The following C2CD2 variants were observed in gnomAD, a reference collection of about 807,000 sequenced individuals.
C2CD2 encodes C2 domain-containing protein 2.
C2CD2 carries 43 observed loss-of-function variants against 74.3 expected under a neutral mutation model. That is an observed-to-expected ratio of 0.58 (90% CI 0.45 to 0.75). The LOEUF is 0.75. C2CD2 is among the 30% of genes least tolerant of loss of function. The pLI, the probability that C2CD2 is intolerant of heterozygous loss-of-function variation, is 0.00. For synonymous variants in C2CD2, 422 were observed against 390.7 expected, an observed-to-expected ratio of 1.08 and a Z score of -0.94; for missense variants, 801 against 916.3, an observed-to-expected ratio of 0.87 and a Z score of 1.63.
intron 1 of C2CD2, among the ~76,000 whole-genome samples, chr21:41,944,153 G>A (rs1435727291): frequency 1.3e-5 from 2 of 152,196 alleles, no homozygotes; most frequent in Admixed American, 1.3e-4. Context: ...GCAGACTCAT[G>A]CTCCCCTGAG....
At chr21:41,917,981 C>T (rs1016431869) in intron 5 of C2CD2, 124 bp downstream of exon 5, 13 of 1,111,126 alleles carry the variant, frequency 1.2e-5, no homozygotes, top group African/African-American at 9.2e-5. Flanking sequence ...AGCAAGCACC[C>T]GAGCCATCTT....
chr21:41,909,892 G>A (rs769652496), intron 7 of C2CD2, among the ~76,000 whole-genome samples: 1 of 151,638 alleles, frequency 6.6e-6, no homozygotes, highest in African/African-American at 2.4e-5. Context: ...GTGGCCAGTC[G>A]CTGCCATATT....
At chr21:41,933,253 T>C (rs1243138220) in intron 2 of C2CD2, among the ~76,000 whole-genome samples, 3 of 139,284 alleles carry the variant, frequency 2.2e-5, no homozygotes, top group Admixed American at 7.3e-5. Context: ...CCTCAAGTTC[T>C]GTTACAGTTT....
At chr21:41,909,033 C>T (rs1020434508) in intron 8 of C2CD2, among the ~76,000 whole-genome samples, 4 of 152,134 alleles carry the variant, frequency 2.6e-5, no homozygotes, top group African/African-American at 4.8e-5. Flanking sequence ...GTTGCACAAC[C>T]GTGTGAATGT....
intron 13 of C2CD2, among the ~76,000 whole-genome samples, chr21:41,890,388 C>A (rs575281462): frequency 6.6e-6 from 1 of 152,180 alleles, no homozygotes; most frequent in Non-Finnish European, 1.5e-5. Flanking sequence ...TTAGCAGCAG[C>A]AGCAACAATA....
rs1601587821 is a variant in C2CD2 at position 41,924,463 on chromosome 21, C to G, written c.379-2378G>C. ...TAACGCCACGTTCAGAAGACTGATA[C>G]ACATGAGTTAATTACATATTTCCAT... On this transcript the variant is annotated intron_variant, in intron 2 of 13. Coordinates refer to ENST00000380486, the MANE Select transcript of C2CD2 (RefSeq NM_015500.2). This position sits in a 1 kb window ranked among gnomAD's most constrained non-coding sequence, Gnocchi z 4.4. Among the ~76,000 whole-genome samples, 1 of 152,228 alleles carries G rather than the reference C, an allele frequency of 6.6e-6. No homozygotes were observed. The highest frequency in any genetic ancestry group is 6.5e-5 in the Admixed American group (1 of 15,280).
chr21:41,886,503 A>G lies in C2CD2; in HGVS notation c.*2621T>C, dbSNP rs747188766. 6.6e-6 allele frequency: 1 copy of G among 152,198 alleles called. No homozygotes were observed. The highest frequency in any genetic ancestry group is 1.5e-5 in the Non-Finnish European group (1 of 68,034). 9.4% of individuals were successfully genotyped at this position (152,198 alleles called of 1,614,324 possible). ...GACGTGTTGCCTTTGCCTTTGCTTC[A>G]TAAACTCCCTCCCATGTTGGTGTTT... On this transcript the variant is annotated 3_prime_UTR_variant, in exon 14 of 14. Coordinates refer to ENST00000380486, the MANE Select transcript of C2CD2 (RefSeq NM_015500.2).
intron 13 of C2CD2, among the ~76,000 whole-genome samples, chr21:41,896,720 A>AAC: frequency 6.6e-6 from 1 of 151,628 alleles, no homozygotes; most frequent in South Asian, 2.1e-4. Flanking sequence ...AAAAAAAAAA[A>AAC]AAAAAAAAAC....
chr21:41,942,274 C>T, intron 1 of C2CD2, 29 bp from the exon 2 acceptor site: 1 of 1,506,216 alleles, frequency 6.6e-7, no homozygotes, highest in Non-Finnish European at 9.0e-7. Context: ...ATGAGGAGGG[C>T]ATGCACAGGA....
Position 41,889,480 on chromosome 21 carries a change from A to T in C2CD2, c.1871-136T>A. ...CAGTTTACTACTTCAATATGCTGTC[A>T]CTACCTGCATGAGAAAAATAACTGG... On this transcript the variant is annotated intron_variant, in intron 13 of 13. Transcript: ENST00000380486. The T allele has an allele frequency of 4.7e-6, 3 of 641,026 alleles. No homozygotes were observed. The East Asian group carries it at 8.2e-5, about 17-fold the overall frequency. 39.7% of individuals were successfully genotyped at this position (641,026 alleles called of 1,614,324 possible). A position where few individuals can be genotyped will look rare whatever the true frequency, so the allele number is the denominator to read the frequency against.
chr21:41,953,617 C>A lies in C2CD2; in HGVS notation c.32G>T (p.Gly11Val), dbSNP rs1372837772. 1.2e-5 allele frequency: 18 copies of A among 1,496,330 alleles called. No individual in the cohort carries two copies. The highest frequency in any genetic ancestry group is 8.6e-5 in the East Asian group (3 of 34,860). 92.7% of individuals were successfully genotyped at this position (1,496,330 alleles called of 1,614,324 possible). ...CACCAGCGCGAGCCACTGCGCCTCC[C>A]CGAGCCACGAGCCCAGCCGGGCCAT... MAMARLGSWL[G>V]EAQWLALVSL... Residue 11 changes from glycine to valine, a missense_variant, in exon 1 of 14, where the codon GGG becomes GTG. Gly to Val is a moderately radical substitution (Grantham distance 109). Coordinates refer to ENST00000380486, the MANE Select transcript of C2CD2 (RefSeq NM_015500.2).
In C2CD2 at chr21:41,939,858, A is replaced by G. The variant is rs1254991423; in HGVS notation, c.378+2289T>C. Among the ~76,000 whole-genome samples the G allele has an allele frequency of 6.6e-6, 1 of 152,210 alleles. No homozygotes were observed. The highest frequency in any genetic ancestry group is 1.5e-5 in the Non-Finnish European group (1 of 68,032). Reference sequence around the variant, plus strand: ...TTGGTCAAGCTGAAGTATGCACACCAGTGACCCGCCAGGCTCATGCCTGCC... The same window carrying G: ...TTGGTCAAGCTGAAGTATGCACACCGGTGACCCGCCAGGCTCATGCCTGCC... On this transcript the variant is annotated intron_variant, in intron 2 of 13. Transcript: ENST00000380486. The surrounding 1 kb of genome is among the most constrained non-coding windows in gnomAD (Gnocchi z 5.5).
chr21:41,912,852 T>C (rs2146180686), intron 6 of C2CD2, among the ~76,000 whole-genome samples: 1 of 152,368 alleles, frequency 6.6e-6, no homozygotes, highest in South Asian at 2.1e-4. Flanking sequence ...CTAAATTAAA[T>C]GACTAAGGTC....
chr21:41,942,105 C>G, intron 2 of C2CD2, 42 bp downstream of exon 2: 1 of 1,544,528 alleles, frequency 6.5e-7, no homozygotes, highest in Non-Finnish European at 8.7e-7. Context: ...TCCCCGGCAT[C>G]AAGTTCACCT....
intron 13 of C2CD2, among the ~76,000 whole-genome samples, chr21:41,889,871 G>A (rs1346594492): frequency 1.3e-5 from 2 of 152,062 alleles, no homozygotes; most frequent in African/African-American, 2.4e-5. Context: ...CTGACCTCAG[G>A]TGATCCACCC....
rs2064809892 is a variant in C2CD2, at chr21:41,895,341, G to A, written c.1870+3712C>T. Among the ~76,000 whole-genome samples, 1 of 152,150 alleles carries A rather than the reference G, an allele frequency of 6.6e-6. No homozygotes were observed. The highest frequency in any genetic ancestry group is 6.5e-5 in the Admixed American group (1 of 15,282). ...TCCAGTAACTGATGGTCTGGATCAA[G>A]CAGATCATCTGCTTGACTTTGAGCC... is the stretch of plus-strand genomic sequence containing the variant. On this transcript the variant is annotated intron_variant, in intron 13 of 13. Transcript: ENST00000380486. The surrounding 1 kb of genome is among the most constrained non-coding windows in gnomAD (Gnocchi z 5.0).
At chr21:41,905,925 C>A (rs1365000604) in intron 10 of C2CD2, 88 bp from the exon 11 acceptor site, 4 of 777,148 alleles carry the variant, frequency 5.1e-6, no homozygotes, top group Non-Finnish European at 9.2e-6. Flanking sequence ...GCCCTCACTG[C>A]AACTCTGGTG....
At chr21:41,912,247 C>T (rs1189996344) in intron 7 of C2CD2, 85 bp downstream of exon 7, 5 of 741,584 alleles carry the variant, frequency 6.7e-6, no homozygotes, top group Admixed American at 2.3e-5. Context: ...TTAGCCTAAA[C>T]GGTGCTGCAG....
intron 1 of C2CD2, chr21:41,953,045 C>A (rs2065462704): frequency 3.2e-6 from 1 of 316,882 alleles, no homozygotes; most frequent in East Asian, 4.9e-5. Flanking sequence ...CACGGGAATT[C>A]GCCCCGGGAC....
Sources: allele counts gnomAD v4.1 joint callset (sites outside exome capture counted in the v4.1 genomes callset), GRCh38; gene constraint gnomAD v4.1.1; non-coding constraint Gnocchi (gnomAD v3.1); transcripts MANE v1.5; gene names NCBI Gene and HGNC (gene_info 2026-07-23, HGNC 2026-07-21).